TANGO2: variants seen among roughly 807,000 people sequenced by gnomAD.
TANGO2 encodes the protein transport and Golgi organization protein 2 homolog.
A neutral mutation model predicts 39.1 loss-of-function variants in TANGO2; 26 were observed. The ratio of observed to expected loss-of-function variants is 0.67; its 90% CI spans 0.49 to 0.92. The LOEUF is 0.92. TANGO2 is among the 40% of genes least tolerant of loss of function. The pLI is 0.00. For synonymous variants in TANGO2, 131 were observed against 144.5 expected (o/e 0.91, Z 0.67); for missense variants, 326 against 360.1 (o/e 0.91, Z 0.77).
At chr22:20,062,180 G>T (rs149592520) in intron 7 of TANGO2, among the ~76,000 whole-genome samples, 1 of 152,210 alleles carries the variant, frequency 6.6e-6, no homozygotes, top group East Asian at 1.9e-4. Flanking sequence ...CTGCCTGGGT[G>T]TAGGAGCTCC....
At chr22:20,049,980 G>C (rs138001436) in intron 3 of TANGO2, among the ~76,000 whole-genome samples, 2 of 152,116 alleles carry the variant, frequency 1.3e-5, no homozygotes, top group Non-Finnish European at 1.5e-5. Flanking sequence ...AGGCCGAGGC[G>C]GGCCGATCAT....
intron 1 of TANGO2, among the ~76,000 whole-genome samples, chr22:20,030,334 ATTTGTTTG>A (rs72195121): frequency 4.7e-5 from 7 of 149,662 alleles, no homozygotes; most frequent in Non-Finnish European, 1.0e-4. Context: ...CACCTGGCTA[ATTTGTTTG>A]TTTGTTTGTT....
Position 20,064,528 on chromosome 22 carries a change from C to T in TANGO2, c.711-14C>T, listed in dbSNP as rs1418338194. 6.2e-7 allele frequency: 1 copy of T among 1,613,920 alleles called. No homozygotes were observed. Among genetic ancestry groups the T allele is most frequent in the Non-Finnish European group, 8.5e-7 (1 of 1,179,974 alleles). On this transcript the variant is annotated splice_polypyrimidine_tract_variant and intron_variant, in intron 8 of 8. Coordinates refer to ENST00000327374, the MANE Select transcript of TANGO2 (RefSeq NM_152906.7). ...AGGGACACCAGGTGAACGAGGGCCCCTGCTCTCTTTCAGAACCAACACTAT... is the reference window on the plus strand; with the variant it reads ...AGGGACACCAGGTGAACGAGGGCCCTTGCTCTCTTTCAGAACCAACACTAT...
chr22:20,063,112 T>G lies in TANGO2; in HGVS notation c.606-226T>G, dbSNP rs182600041. On this transcript the variant is annotated intron_variant, in intron 7 of 8. Transcript: ENST00000327374. ...TGGAAGTTGCAGTGAGCCAAGATCG[T>G]ACCATTGCGCTCTAGTCTGGGCGAC... 4.8e-4 allele frequency: 238 copies of G among 499,466 alleles called. 1 individual carries two copies. The highest frequency in any genetic ancestry group is 3.8e-4 in the Non-Finnish European group (105 of 279,322). The allele number at this position is 499,466 out of a possible 1,614,324, so 30.9% of individuals were successfully genotyped here.
At chr22:20,058,127 G>A (rs1468885548) in intron 6 of TANGO2, 2 of 151,996 alleles carry the variant, frequency 1.3e-5, no homozygotes, top group Non-Finnish European at 2.9e-5. Flanking sequence ...CATTCACAGA[G>A]TTGAGCAACT....
rs1195964141 is a variant in TANGO2, at chr22:20,057,984, AT to A, written c.451+1972del. ...TTCTGTAGAACTTATTTCTGTCTACATCCTGCCTCATCCCTGAGCCTGCCCC... is the reference window on the plus strand; with the variant it reads ...TTCTGTAGAACTTATTTCTGTCTACACCTGCCTCATCCCTGAGCCTGCCCC... On this transcript the variant is annotated intron_variant, in intron 6 of 8. Coordinates refer to ENST00000327374, the MANE Select transcript of TANGO2 (RefSeq NM_152906.7). This position sits in a 1 kb window ranked among gnomAD's most constrained non-coding sequence, Gnocchi z 4.1. The A allele has an allele frequency of 6.6e-6, 1 of 151,042 alleles. No homozygotes were observed. The highest frequency in any genetic ancestry group is 2.4e-5 in the African/African-American group (1 of 41,076). The allele number at this position is 151,042 out of a possible 1,614,324, so 9.4% of individuals were successfully genotyped here. A position where few individuals can be genotyped will look rare whatever the true frequency, so the allele number is the denominator to read the frequency against.
intron 3 of TANGO2, 22 bp from the exon 4 acceptor site, chr22:20,052,443 G>A (rs367921685): frequency 6.3e-7 from 1 of 1,584,932 alleles, no homozygotes; most frequent in Non-Finnish European, 8.6e-7. Context: ...ATCAATGGTG[G>A]TAACACTGTC....
intron 1 of TANGO2, among the ~76,000 whole-genome samples, chr22:20,024,100 T>G (rs751335409): frequency 3.9e-5 from 6 of 152,020 alleles, no homozygotes; most frequent in Non-Finnish European, 8.8e-5. Flanking sequence ...GGCAGGAGAA[T>G]TGCTTGAACC....
intron 2 of TANGO2, among the ~76,000 whole-genome samples, chr22:20,039,243 G>A (rs530950130): frequency 1.1e-4 from 16 of 151,632 alleles, no homozygotes; most frequent in Non-Finnish European, 2.4e-4. Flanking sequence ...CTCGGCCACT[G>A]TATTTGGTAA....
At chr22:20,058,604 T>G (rs1172219438) in intron 6 of TANGO2, 1 of 150,674 alleles carries the variant, frequency 6.6e-6, no homozygotes, top group Non-Finnish European at 1.5e-5. Context: ...ATCGCGCCAC[T>G]GTACTCCAGC....
chr22:20,042,823 A>G (rs1219403165), intron 2 of TANGO2, among the ~76,000 whole-genome samples: 1 of 152,216 alleles, frequency 6.6e-6, no homozygotes, highest in African/African-American at 2.4e-5. Flanking sequence ...CAAAAAAACT[A>G]GTAAAACAGT....
upstream of TANGO2, among the ~76,000 whole-genome samples, chr22:20,020,705 G>A (rs10427828): frequency 0.021 from 3,229 of 152,152 alleles, 128 homozygotes; most frequent in African/African-American, 0.075. Flanking sequence ...AACAGGATGG[G>A]GAGACCAGGA....
intron 3 of TANGO2, among the ~76,000 whole-genome samples, chr22:20,050,826 A>G (rs1240427465): frequency 2.7e-5 from 4 of 149,798 alleles, no homozygotes; most frequent in Non-Finnish European, 5.9e-5. Context: ...GCTGGTTGCA[A>G]ATACAGTTTT....
At chr22:20,056,622 T>C in intron 6 of TANGO2, 1 of 456,674 alleles carries the variant, frequency 2.2e-6, no homozygotes, top group Non-Finnish European at 4.4e-6. Flanking sequence ...CCTGGAAGCT[T>C]CCTCTGCCAG....
chr22:20,064,459 G>T, intron 8 of TANGO2, 83 bp from the exon 9 acceptor site: 1 of 1,565,464 alleles, frequency 6.4e-7, no homozygotes. Flanking sequence ...CTACCTGCCT[G>T]CATTCTTGCC....
At chr22:20,062,785 A>G (rs543565504) in intron 7 of TANGO2, among the ~76,000 whole-genome samples, 9 of 152,354 alleles carry the variant, frequency 5.9e-5, no homozygotes, top group African/African-American at 1.4e-4. Flanking sequence ...CGATTGAGTC[A>G]TAAGTTAAGG....
At chr22:20,061,426 T>C in intron 6 of TANGO2, 104 bp from the exon 7 acceptor site, 1 of 1,372,130 alleles carries the variant, frequency 7.3e-7, no homozygotes, top group Non-Finnish European at 9.8e-7. Context: ...TGGCCTGATT[T>C]CATGGTCCCC....
intron 2 of TANGO2, among the ~76,000 whole-genome samples, chr22:20,040,406 C>T (rs2043679324): frequency 6.6e-6 from 1 of 152,196 alleles, no homozygotes; most frequent in South Asian, 2.1e-4. Flanking sequence ...AGCCAACAGC[C>T]CCAGCCTGGT....
chr22:20,045,906 G>T (rs1026117951), intron 3 of TANGO2, among the ~76,000 whole-genome samples: 2 of 151,732 alleles, frequency 1.3e-5, no homozygotes, highest in Non-Finnish European at 2.9e-5. Context: ...ACACCTCTGC[G>T]ATGCTCTCTG....
Sources: allele counts gnomAD v4.1 joint callset (sites outside exome capture counted in the v4.1 genomes callset), GRCh38; gene constraint gnomAD v4.1.1; non-coding constraint Gnocchi (gnomAD v3.1); transcripts MANE v1.5; gene names NCBI Gene and HGNC (gene_info 2026-07-23, HGNC 2026-07-21).